Variants in STT3B observed in about 807,000 individuals in gnomAD.
STT3B encodes STT3 oligosaccharyltransferase complex catalytic subunit B, also known as dolichyl-diphosphooligosaccharide--protein glycosyltransferase subunit STT3B.
A neutral mutation model predicts 96.8 loss-of-function variants in STT3B; 29 were observed. The observed-to-expected ratio is 0.30, with a 90% CI of 0.22 to 0.41. The LOEUF (loss-of-function observed/expected upper bound fraction) is 0.41, where lower values mean the gene tolerates loss of function less well. Among genes scored for constraint, STT3B ranks in the 10% least tolerant of loss-of-function variants. The probability of loss-of-function intolerance (pLI) is 1.00; values close to 1 mark genes in which losing one functional copy is unlikely to be tolerated. For missense variants in STT3B, 640 were observed against 1,022.3 expected, an observed-to-expected ratio of 0.63 and a Z score of 5.10; for synonymous variants, 367 against 360.0, an observed-to-expected ratio of 1.02 and a Z score of -0.22.
chr3:31,538,700 T>G (rs1463750879), intron 1 of STT3B, among the ~76,000 whole-genome samples: 1 of 152,112 alleles, frequency 6.6e-6, no homozygotes, highest in Non-Finnish European at 1.5e-5. Context: ...CCAAATAGTA[T>G]AGGACCCACT....
intron 13 of STT3B, among the ~76,000 whole-genome samples, chr3:31,627,080 G>A (rs1699553941): frequency 6.6e-6 from 1 of 152,044 alleles, no homozygotes; most frequent in Non-Finnish European, 1.5e-5. Context: ...ACTCACATCT[G>A]TACTCATCAC....
In STT3B at chr3:31,533,074, C is replaced by T. The variant is rs1370585104; in HGVS notation, c.76C>T (p.Leu26=). 2 of 1,550,602 alleles carry T rather than the reference C, an allele frequency of 1.3e-6. No homozygotes were observed. Among genetic ancestry groups the T allele is most frequent in the Admixed American group, 1.9e-5 (1 of 51,502 alleles). Residue 26 remains leucine (L), a synonymous_variant, in exon 1 of 16, where the codon CTG becomes TTG. Transcript: ENST00000295770. ...NSSPWSGLMA[L]GNSRHGHHGP... ...GTCCCCGTGGAGTGGCCTCATGGCC[C>T]TGGGAAACAGCCGGCACGGCCACCA...
intron 3 of STT3B, among the ~76,000 whole-genome samples, chr3:31,585,356 T>C (rs1698513625): frequency 6.6e-6 from 1 of 152,110 alleles, no homozygotes. Flanking sequence ...CCATCAACTA[T>C]AATATGGAAG....
At chr3:31,546,451 CG>C (rs1697415455) in intron 1 of STT3B, among the ~76,000 whole-genome samples, 1 of 152,082 alleles carries the variant, frequency 6.6e-6, no homozygotes, top group Non-Finnish European at 1.5e-5. Context: ...AGCATTGCAG[CG>C]GGGTTCTGAG....
intron 3 of STT3B, among the ~76,000 whole-genome samples, chr3:31,581,987 C>G (rs1396615446): frequency 6.6e-6 from 1 of 152,156 alleles, no homozygotes; most frequent in African/African-American, 2.4e-5. Flanking sequence ...GCATACAAGA[C>G]TTGATAATAC....
chr3:31,632,531 A>G (rs1699684840), intron 14 of STT3B, among the ~76,000 whole-genome samples: 1 of 152,194 alleles, frequency 6.6e-6, no homozygotes, highest in Non-Finnish European at 1.5e-5. Flanking sequence ...GCCATGCAAA[A>G]GAGCTGAATG....
chr3:31,564,521 A>G (rs1234939892), intron 1 of STT3B, among the ~76,000 whole-genome samples: 3 of 152,204 alleles, frequency 2.0e-5, no homozygotes, highest in Non-Finnish European at 4.4e-5. Flanking sequence ...ATACATCTCA[A>G]TAAGTTGTCA....
chr3:31,608,899 G>T (rs149223220), intron 5 of STT3B, among the ~76,000 whole-genome samples: 5 of 152,020 alleles, frequency 3.3e-5, no homozygotes, highest in African/African-American at 9.7e-5. Context: ...GGTGGATCAC[G>T]AGGTCAAGAG....
chr3:31,540,561 A>G (rs1697240939), intron 1 of STT3B, among the ~76,000 whole-genome samples: 1 of 152,094 alleles, frequency 6.6e-6, no homozygotes, highest in Non-Finnish European at 1.5e-5. Flanking sequence ...ATATCTAGCT[A>G]TCCCTGCAAC....
At chr3:31,601,761 A>G (rs1370105278) in intron 5 of STT3B, among the ~76,000 whole-genome samples, 5 of 152,228 alleles carry the variant, frequency 3.3e-5, no homozygotes, top group Non-Finnish European at 5.9e-5. Flanking sequence ...GATAAATTTT[A>G]TAGTATATTA....
intron 1 of STT3B, among the ~76,000 whole-genome samples, chr3:31,546,417 C>G (rs184554472): frequency 1.7e-4 from 26 of 152,224 alleles, no homozygotes; most frequent in African/African-American, 4.8e-4. Flanking sequence ...TTTGGCTCCT[C>G]CATGTGACTG....
intron 1 of STT3B, among the ~76,000 whole-genome samples, chr3:31,547,287 C>T (rs1003560100): frequency 1.4e-4 from 22 of 151,954 alleles, no homozygotes; most frequent in East Asian, 1.9e-4. Flanking sequence ...AATGTAGTGG[C>T]GAAATATTTT....
chr3:31,573,377 T>C (rs775877132), intron 1 of STT3B, among the ~76,000 whole-genome samples: 8 of 152,172 alleles, frequency 5.3e-5, no homozygotes, highest in African/African-American at 9.7e-5. Context: ...GCAGAATGGA[T>C]GTAAAGAGAC....
intron 3 of STT3B, among the ~76,000 whole-genome samples, chr3:31,585,036 T>G (rs971940283): frequency 6.6e-6 from 1 of 152,164 alleles, no homozygotes; most frequent in Non-Finnish European, 1.5e-5. Flanking sequence ...TTAAGTTGTC[T>G]AATTCCTCAC....
intron 2 of STT3B, among the ~76,000 whole-genome samples, chr3:31,578,589 A>G (rs1199603290): frequency 2.0e-5 from 3 of 151,944 alleles, no homozygotes; most frequent in Admixed American, 1.3e-4. Context: ...TTGCTGACAA[A>G]ATTACACACT....
Position 31,636,631 on chromosome 3 carries a change from TTGCTC to T in STT3B, c.*570_*574del, listed in dbSNP as rs1466164373. 2 of 152,214 alleles carry T rather than the reference TTGCTC, an allele frequency of 1.3e-5. No individual in the cohort carries two copies. Among genetic ancestry groups the T allele is most frequent in the Non-Finnish European group, 2.9e-5 (2 of 68,032 alleles). The allele number at this position is 152,214 out of a possible 1,614,324, so 9.4% of individuals were successfully genotyped here. Reference sequence around the variant, plus strand: ...ATGTATATTTTCTGTTGCTTACTGTTTGCTCTGAGAAGAAGCTGCTGTTTCAAAGA... The same window carrying T: ...ATGTATATTTTCTGTTGCTTACTGTTTGAGAAGAAGCTGCTGTTTCAAAGA... On this transcript the variant is annotated 3_prime_UTR_variant, in exon 16 of 16. Coordinates refer to ENST00000295770, the MANE Select transcript of STT3B (RefSeq NM_178862.3).
intron 1 of STT3B, among the ~76,000 whole-genome samples, chr3:31,545,314 CA>C (rs1208267610): frequency 7.9e-5 from 12 of 152,122 alleles, no homozygotes; most frequent in African/African-American, 2.9e-4. Flanking sequence ...TACTGCATTT[CA>C]ATGAAGTGTC....
At chr3:31,544,589 T>G (rs1697355081) in intron 1 of STT3B, among the ~76,000 whole-genome samples, 1 of 152,172 alleles carries the variant, frequency 6.6e-6, no homozygotes, top group Non-Finnish European at 1.5e-5. Flanking sequence ...TGTGTGCTGT[T>G]TTAAAAACAA....
rs1699777930 is a variant in STT3B at position 31,637,393 on chromosome 3, T to C, written c.*1329T>C. 1 of 152,214 alleles carries C rather than the reference T, an allele frequency of 6.6e-6. No individual in the cohort carries two copies. Among genetic ancestry groups the C allele is most frequent in the Admixed American group, 6.5e-5 (1 of 15,284 alleles). 9.4% of individuals were successfully genotyped at this position (152,214 alleles called of 1,614,324 possible). On this transcript the variant is annotated 3_prime_UTR_variant, in exon 16 of 16. Transcript: ENST00000295770. ...GAGAATGTTACTGCTGATTTTCTTTTCCAAGGTGTAGAATATTCTTTGATT... is the reference window on the plus strand; with the variant it reads ...GAGAATGTTACTGCTGATTTTCTTTCCCAAGGTGTAGAATATTCTTTGATT...
Sources: allele counts gnomAD v4.1 joint callset (sites outside exome capture counted in the v4.1 genomes callset), GRCh38; gene constraint gnomAD v4.1.1; transcripts MANE v1.5; gene names NCBI Gene and HGNC (gene_info 2026-07-23, HGNC 2026-07-21).